The following ORAI2 variants were observed in gnomAD, a reference collection of about 807,000 sequenced individuals.
ORAI2 encodes ORAI calcium release-activated calcium modulator 2.
A neutral mutation model predicts 16.2 loss-of-function variants in ORAI2; 10 were observed. That is an observed-to-expected ratio of 0.62 (90% CI 0.38 to 1.04). The LOEUF (loss-of-function observed/expected upper bound fraction) is 1.04. ORAI2 is among the 50% of genes least tolerant of loss of function. The probability of loss-of-function intolerance (pLI) is 0.01; values close to 1 mark genes in which losing one functional copy is unlikely to be tolerated. For missense variants in ORAI2, 238 were observed against 355.5 expected, an observed-to-expected ratio of 0.67 and a Z score of 2.66; for synonymous variants, 150 against 157.5, an observed-to-expected ratio of 0.95 and a Z score of 0.35.
intron 3 of ORAI2, among the ~76,000 whole-genome samples, chr7:102,444,539 A>G (rs1348150308): frequency 8.9e-6 from 1 of 111,984 alleles, no homozygotes; most frequent in Non-Finnish European, 1.7e-5. Flanking sequence ...AAGTGCTGGG[A>G]TTACAGGCAT....
In ORAI2 at chr7:102,446,767, C is replaced by G. The variant is rs548663386; in HGVS notation, c.480C>G (p.Leu160=). ...TCTCCACCGTGCTTGGCATCCTACTCTTCCTGGCCGAGGTGGTGCTGCTCT... is the reference window on the plus strand; with the variant it reads ...TCTCCACCGTGCTTGGCATCCTACTGTTCCTGGCCGAGGTGGTGCTGCTCT... ...WGFSTVLGIL[L]FLAEVVLLCW... The change falls in exon 4 of 4, where the codon CTC becomes CTG. Residue 160 remains leucine, a synonymous_variant. Coordinates refer to ENST00000495936, the MANE Select transcript of ORAI2 (RefSeq NM_001126340.3). 1 of 1,614,188 alleles carries G rather than the reference C, an allele frequency of 6.2e-7. No homozygotes were observed. Among genetic ancestry groups the G allele is most frequent in the Non-Finnish European group, 8.5e-7 (1 of 1,180,040 alleles).
At chr7:102,436,394 G>A (rs2133220710) in intron 2 of ORAI2, 61 bp downstream of exon 2, 1 of 958,816 alleles carries the variant, frequency 1.0e-6, no homozygotes, top group African/African-American at 1.8e-5. Context: ...TGTTGGCCAG[G>A]GAAGGCTGTG....
Position 102,444,665 on chromosome 7 carries a change from CT to C in ORAI2, c.226-1830del, listed in dbSNP as rs35635937. 9.1e-4 allele frequency among the ~76,000 whole-genome samples: 107 copies of C among 118,020 alleles called. 1 individual carries two copies. Among genetic ancestry groups the C allele is most frequent in the African/African-American group, 2.6e-3 (81 of 30,960 alleles). 77.4% of individuals were successfully genotyped at this position (118,020 alleles called of 152,430 possible). A position where few individuals can be genotyped will look rare whatever the true frequency, so the allele number is the denominator to read the frequency against. On this transcript the variant is annotated intron_variant, in intron 3 of 3. Transcript: ENST00000495936. ...TAGAAGAACCTTCCCCAGGCTTCTT[CT>C]TTTTTTTTTTTTTTTTTGAGACAAA...
chr7:102,443,371 C>T (rs1797267536), intron 3 of ORAI2, among the ~76,000 whole-genome samples: 5 of 150,814 alleles, frequency 3.3e-5, no homozygotes, highest in Admixed American at 2.0e-4. Flanking sequence ...CTCCACCTTC[C>T]GGGTTCACGC....
chr7:102,438,843 G>T lies in ORAI2; in HGVS notation c.-13-101G>T, dbSNP rs767587516. The T allele has an allele frequency of 1.4e-5, 15 of 1,057,104 alleles. No homozygotes were observed. The South Asian group carries it at 2.0e-4, about 14-fold the overall frequency. The allele number at this position is 1,057,104 out of a possible 1,614,324, so 65.5% of individuals were successfully genotyped here. A position where few individuals can be genotyped will look rare whatever the true frequency, so the allele number is the denominator to read the frequency against. On this transcript the variant is annotated intron_variant, in intron 2 of 3. Transcript: ENST00000495936. ...TCTAAACCCCTGGGCTCTGGCGTGGGCTGTATATGGCAGCCTCTGTAGGTT... is the reference window on the plus strand; with the variant it reads ...TCTAAACCCCTGGGCTCTGGCGTGGTCTGTATATGGCAGCCTCTGTAGGTT...
In ORAI2 at chr7:102,447,351, G is replaced by T; in HGVS notation, c.*299G>T. The stretch of plus-strand genomic sequence containing the variant: ...GGACCTGCCCATCAGTCCTGGGCCA[G>T]GAGGGGCTCCAAGCAGCACCCAGCG... On this transcript the variant is annotated 3_prime_UTR_variant, in exon 4 of 4. Transcript: ENST00000495936. 1 of 392,336 alleles carries T rather than the reference G, an allele frequency of 2.5e-6. No homozygotes were observed. The highest frequency in any genetic ancestry group is 4.6e-6 in the Non-Finnish European group (1 of 216,878). 24.3% of individuals were successfully genotyped at this position (392,336 alleles called of 1,614,324 possible). A position where few individuals can be genotyped will look rare whatever the true frequency, so the allele number is the denominator to read the frequency against.
At chr7:102,445,164 C>CA (rs1563637715) in intron 3 of ORAI2, among the ~76,000 whole-genome samples, 64 of 151,338 alleles carry the variant, frequency 4.2e-4, no homozygotes, top group African/African-American at 8.5e-4. Flanking sequence ...GATGCCGGCT[C>CA]TCACTGGGCT....
At chr7:102,444,514 C>A (rs1797292799) in intron 3 of ORAI2, among the ~76,000 whole-genome samples, 1 of 136,234 alleles carries the variant, frequency 7.3e-6, no homozygotes, top group Non-Finnish European at 1.6e-5. Flanking sequence ...CCGCCCCCCA[C>A]CCTCCAGCCT....
Position 102,447,074 on chromosome 7 carries a change from G to A in ORAI2, c.*22G>A. Reference sequence around the variant, plus strand: ...GTGAGGGGCCGAGGGCCGGGGCTGGGAGCGGCCCTGTGCCCGGGAGTCCGC... The same window carrying A: ...GTGAGGGGCCGAGGGCCGGGGCTGGAAGCGGCCCTGTGCCCGGGAGTCCGC... On this transcript the variant is annotated 3_prime_UTR_variant, in exon 4 of 4. Coordinates refer to ENST00000495936, the MANE Select transcript of ORAI2 (RefSeq NM_001126340.3). 3.3e-6 allele frequency: 5 copies of A among 1,507,392 alleles called. No homozygotes were observed. The highest frequency in any genetic ancestry group is 4.4e-6 in the Non-Finnish European group (5 of 1,131,602). The allele number at this position is 1,507,392 out of a possible 1,614,324, so 93.4% of individuals were successfully genotyped here. A position where few individuals can be genotyped will look rare whatever the true frequency, so the allele number is the denominator to read the frequency against.
chr7:102,444,372 C>G (rs574550290), intron 3 of ORAI2, among the ~76,000 whole-genome samples: 1 of 152,104 alleles, frequency 6.6e-6, no homozygotes, highest in South Asian at 2.1e-4. Context: ...CCTGCCTCAG[C>G]CTCCCAAGTA....
At position 102,450,482 on chromosome 7, in the gene ORAI2, TA is replaced by T. The variant is rs1487572885; in HGVS notation, c.*3431del. 6.6e-6 allele frequency: 1 copy of T among 152,340 alleles called. No individual in the cohort carries two copies. Among genetic ancestry groups the T allele is most frequent in the Non-Finnish European group, 1.5e-5 (1 of 68,104 alleles). The allele number at this position is 152,340 out of a possible 1,614,324, so 9.4% of individuals were successfully genotyped here. The stretch of plus-strand genomic sequence containing the variant: ...AGTGCCATCTGGGGGCCAGTTACTG[TA>T]CCTGGTCCCCAGGCAGAGCTCTTGG... On this transcript the variant is annotated 3_prime_UTR_variant, in exon 4 of 4. Transcript: ENST00000495936.
Position 102,446,863 on chromosome 7 carries a change from G to C in ORAI2, c.576G>C (p.Thr192=). The C allele has an allele frequency of 6.2e-7, 1 of 1,613,628 alleles. No homozygotes were observed. Among genetic ancestry groups the C allele is most frequent in the Non-Finnish European group, 8.5e-7 (1 of 1,179,968 alleles). The change falls in exon 4 of 4, where the codon ACG becomes ACC. Residue 192 remains threonine (T), a synonymous_variant. Coordinates refer to ENST00000495936, the MANE Select transcript of ORAI2 (RefSeq NM_001126340.3). ...PGPPPGPGSH[T]GWQAALVSTI... ...CCCCACCTGGCCCTGGGAGTCACAC[G>C]GGCTGGCAGGCCGCCCTGGTGTCCA...
intron 2 of ORAI2, among the ~76,000 whole-genome samples, chr7:102,436,954 A>G (rs897047997): frequency 2.6e-5 from 4 of 152,138 alleles, no homozygotes; most frequent in African/African-American, 9.7e-5. Flanking sequence ...ATGTCAAGTA[A>G]ACCACAAGAT....
rs1401726219 is a variant in ORAI2, at chr7:102,446,866, C to A, written c.579C>A (p.Gly193=). ...CACCTGGCCCTGGGAGTCACACGGG[C>A]TGGCAGGCCGCCCTGGTGTCCACCA... ...GPPPGPGSHT[G]WQAALVSTII... Residue 193 remains glycine, a synonymous_variant, in exon 4 of 4, where the codon GGC becomes GGA. Transcript: ENST00000495936. 6.2e-7 allele frequency: 1 copy of A among 1,613,556 alleles called. No individual in the cohort carries two copies. The highest frequency in any genetic ancestry group is 1.1e-5 in the South Asian group (1 of 91,084).
At position 102,456,420 on chromosome 7, in the gene ORAI2, T is replaced by C. The variant is rs757358914; in HGVS notation, c.*9368T>C. ...CCACCATGCCCAGACGCCCAGCTAA[T>C]GTTTGTATTTTTTGTAGAGATGGGG... On this transcript the variant is annotated 3_prime_UTR_variant, in exon 4 of 4. Transcript: ENST00000495936. 2.0e-5 allele frequency: 3 copies of C among 152,120 alleles called. No individual in the cohort carries two copies. Among genetic ancestry groups the C allele is most frequent in the South Asian group, 2.1e-4 (1 of 4,816 alleles). 9.4% of individuals were successfully genotyped at this position (152,120 alleles called of 1,614,324 possible).
rs1586723611 is a variant in ORAI2, at chr7:102,453,327, T to A, written c.*6275T>A. On this transcript the variant is annotated 3_prime_UTR_variant, in exon 4 of 4. Transcript: ENST00000495936. ...AGTTTCATCACACTGGCCAGGCTGG[T>A]TTCGAACTCCTGGCCTCAAGTGATC... 6.6e-6 allele frequency: 1 copy of A among 152,104 alleles called. No individual in the cohort carries two copies. Among genetic ancestry groups the A allele is most frequent in the Non-Finnish European group, 1.5e-5 (1 of 68,014 alleles). The allele number at this position is 152,104 out of a possible 1,614,324, so 9.4% of individuals were successfully genotyped here. A position where few individuals can be genotyped will look rare whatever the true frequency, so the allele number is the denominator to read the frequency against.
intron 3 of ORAI2, among the ~76,000 whole-genome samples, chr7:102,443,742 T>C (rs1244834490): frequency 1.3e-5 from 2 of 152,174 alleles, no homozygotes; most frequent in South Asian, 2.1e-4. Flanking sequence ...AGTCTCGCTC[T>C]GTCTCCCAGG....
chr7:102,443,860 C>G (rs1797277301), intron 3 of ORAI2, among the ~76,000 whole-genome samples: 1 of 152,058 alleles, frequency 6.6e-6, no homozygotes, highest in South Asian at 2.1e-4. Context: ...GCACCCACCA[C>G]CACGCCCAGC....
rs1348839021 is a variant in ORAI2 at position 102,452,315 on chromosome 7, A to G, written c.*5263A>G. On this transcript the variant is annotated 3_prime_UTR_variant, in exon 4 of 4. Coordinates refer to ENST00000495936, the MANE Select transcript of ORAI2 (RefSeq NM_001126340.3). ...TGGCTAATTTTTGTATTTTTAGTAG[A>G]GACGGGGGTTTCACCATGTTGGCCA... 1.3e-5 allele frequency: 2 copies of G among 152,152 alleles called. No homozygotes were observed. The highest frequency in any genetic ancestry group is 2.9e-5 in the Non-Finnish European group (2 of 68,070). 9.4% of individuals were successfully genotyped at this position (152,152 alleles called of 1,614,324 possible).
Sources: allele counts gnomAD v4.1 joint callset (sites outside exome capture counted in the v4.1 genomes callset), GRCh38; gene constraint gnomAD v4.1.1; transcripts MANE v1.5; gene names NCBI Gene and HGNC (gene_info 2026-07-23, HGNC 2026-07-21).